The following VAV2 variants were observed in gnomAD, a reference collection of about 807,000 sequenced individuals.
The protein encoded by VAV2 is guanine nucleotide exchange factor VAV2.
A neutral mutation model predicts 132.5 loss-of-function variants in VAV2; 67 were observed. The observed-to-expected ratio is 0.51, with a 90% CI of 0.42 to 0.62. The LOEUF is 0.62. Ranked by LOEUF, VAV2 falls within the 20% of genes least tolerant of loss-of-function variation. The pLI is 0.00. For missense variants in VAV2, 938 were observed against 1,153.6 expected (o/e 0.81, Z 2.71); for synonymous variants, 492 against 443.5 (o/e 1.11, Z -1.37).
chr9:133,793,251 G>A (rs1029778838), intron 12 of VAV2, among the ~76,000 whole-genome samples: 2 of 152,100 alleles, frequency 1.3e-5, no homozygotes, highest in East Asian at 1.9e-4. Flanking sequence ...AGCCGGCCAC[G>A]TGGGCGGTCC....
At chr9:133,936,820 GGC>G (rs1467505842) in intron 2 of VAV2, among the ~76,000 whole-genome samples, 1 of 152,126 alleles carries the variant, frequency 6.6e-6, no homozygotes, top group African/African-American at 2.4e-5. Flanking sequence ...GCCACAGCTT[GGC>G]CAGCACCACC....
intron 1 of VAV2, among the ~76,000 whole-genome samples, chr9:133,978,357 C>T (rs1842583405): frequency 6.6e-6 from 1 of 152,216 alleles, no homozygotes; most frequent in Non-Finnish European, 1.5e-5. Context: ...CAACAGAAGA[C>T]AGGCAGGCAC....
intron 2 of VAV2, among the ~76,000 whole-genome samples, chr9:133,868,520 C>T (rs560650007): frequency 5.3e-5 from 8 of 152,182 alleles, no homozygotes; most frequent in South Asian, 2.1e-4. Flanking sequence ...AGCAGGGACT[C>T]GCGCACAGCT....
At chr9:133,868,605 G>C (rs569664343) in intron 2 of VAV2, among the ~76,000 whole-genome samples, 26 of 152,344 alleles carry the variant, frequency 1.7e-4, no homozygotes, top group African/African-American at 6.3e-4. Context: ...CCACTTGCTC[G>C]AATGAAGAAA....
chr9:133,915,991 CATG>C (rs1264734492), intron 2 of VAV2, among the ~76,000 whole-genome samples: 1 of 151,914 alleles, frequency 6.6e-6, no homozygotes, highest in Non-Finnish European at 1.5e-5. Flanking sequence ...ACGATGCACA[CATG>C]ATATACATGT....
chr9:133,962,021 C>T (rs1371120232), intron 1 of VAV2, among the ~76,000 whole-genome samples: 1 of 152,186 alleles, frequency 6.6e-6, no homozygotes, highest in East Asian at 1.9e-4. Flanking sequence ...ACCTTGATGG[C>T]CTCATGGAAG....
rs569178779 is a variant in VAV2, at chr9:133,866,562, G to A, written c.322-5130C>T. ...CTCACGCCTGTAATCCCAGCACTTTGGGAGACCAAGGTGGGCAGATCACTC... is the reference window on the plus strand; with the variant it reads ...CTCACGCCTGTAATCCCAGCACTTTAGGAGACCAAGGTGGGCAGATCACTC... On this transcript the variant is annotated intron_variant, in intron 2 of 29. Coordinates refer to ENST00000371850, the MANE Select transcript of VAV2 (RefSeq NM_001134398.2). 3.9e-5 allele frequency among the ~76,000 whole-genome samples: 6 copies of A among 152,256 alleles called. No individual in the cohort carries two copies. The South Asian group carries it at 1.2e-3, about 32-fold the overall frequency.
At chr9:133,944,953 C>T (rs1048968334) in intron 1 of VAV2, among the ~76,000 whole-genome samples, 3 of 152,356 alleles carry the variant, frequency 2.0e-5, no homozygotes, top group East Asian at 1.9e-4. Context: ...ACTGGCTACG[C>T]GTCTCGGTGC....
At chr9:133,955,012 G>A (rs890175990) in intron 1 of VAV2, among the ~76,000 whole-genome samples, 1 of 152,058 alleles carries the variant, frequency 6.6e-6, no homozygotes, top group African/African-American at 2.4e-5. Context: ...GTGCACTGAG[G>A]TGAGGAAAAA....
At chr9:133,784,934 C>T (rs1661657902) in intron 17 of VAV2, among the ~76,000 whole-genome samples, 1 of 152,118 alleles carries the variant, frequency 6.6e-6, no homozygotes, top group African/African-American at 2.4e-5. Context: ...TATTCACCAT[C>T]ACGTCGCTTC....
chr9:133,987,037 A>T (rs1044045706), intron 1 of VAV2, among the ~76,000 whole-genome samples: 3 of 149,444 alleles, frequency 2.0e-5, no homozygotes, highest in Admixed American at 6.7e-5. Context: ...TTTATTATAT[A>T]TTTATTTATT....
chr9:133,765,928 C>T (rs989624230), intron 29 of VAV2, among the ~76,000 whole-genome samples: 5 of 151,970 alleles, frequency 3.3e-5, no homozygotes, highest in African/African-American at 4.8e-5. Flanking sequence ...TGAAATTGTA[C>T]GTTTGAAATT....
chr9:133,766,347 A>G (rs1193871101), intron 29 of VAV2, among the ~76,000 whole-genome samples: 1 of 152,226 alleles, frequency 6.6e-6, no homozygotes, highest in African/African-American at 2.4e-5. Context: ...AGCACTACTC[A>G]CAACAGCAAA....
intron 2 of VAV2, among the ~76,000 whole-genome samples, chr9:133,895,503 GCT>G (rs1415180120): frequency 2.6e-5 from 4 of 152,374 alleles, no homozygotes; most frequent in African/African-American, 9.6e-5. Context: ...AAGGAGAGAA[GCT>G]CTGATTCTCA....
chr9:133,936,439 C>T (rs1369115365), intron 2 of VAV2, among the ~76,000 whole-genome samples: 1 of 152,066 alleles, frequency 6.6e-6, no homozygotes, highest in African/African-American at 2.4e-5. Context: ...GACAGGGTTT[C>T]ACCGTGTTGC....
At position 133,790,756 on chromosome 9, in the gene VAV2, G is replaced by A. The variant is rs573205539; in HGVS notation, c.1188+1027C>T. 7.2e-5 allele frequency among the ~76,000 whole-genome samples: 11 copies of A among 151,924 alleles called. No homozygotes were observed. The South Asian group carries it at 1.7e-3, about 23-fold the overall frequency. On this transcript the variant is annotated intron_variant, in intron 13 of 29. Coordinates refer to ENST00000371850, the MANE Select transcript of VAV2 (RefSeq NM_001134398.2). ...CTTATTTTTTTTTTCTTTCATCGCC[G>A]ACGTATCGCAGGTGCTTTTCCGTGC...
chr9:133,819,344 G>A (rs1835694406), intron 4 of VAV2, among the ~76,000 whole-genome samples: 1 of 151,926 alleles, frequency 6.6e-6, no homozygotes, highest in South Asian at 2.1e-4. Flanking sequence ...AGCTACTTGG[G>A]AGGCTGAGGC....
chr9:133,968,594 C>T (rs890605213), intron 1 of VAV2, among the ~76,000 whole-genome samples: 2 of 151,872 alleles, frequency 1.3e-5, no homozygotes, highest in Non-Finnish European at 2.9e-5. Context: ...ACAGAGCTGC[C>T]GGTCCTCTAG....
chr9:133,942,171 T>C (rs929475221), intron 1 of VAV2, among the ~76,000 whole-genome samples: 1 of 152,270 alleles, frequency 6.6e-6, no homozygotes. Flanking sequence ...CAAAGATTAA[T>C]TAGAAGAGAC....
Sources: gnomAD v4.1 joint callset for allele counts (sites outside exome capture counted in the v4.1 genomes callset) on GRCh38, gnomAD v4.1.1 for gene constraint, MANE v1.5 for transcripts, NCBI Gene and HGNC (gene_info 2026-07-23, HGNC 2026-07-21) for gene names.